The following ADAMTS6 variants were observed in gnomAD, a reference collection of about 807,000 sequenced individuals.
ADAMTS6 encodes A disintegrin and metalloproteinase with thrombospondin motifs 6.
Under a neutral mutation model 144.3 loss-of-function variants are expected in ADAMTS6, and 23 were observed. The ratio of observed to expected loss-of-function variants is 0.16; its 90% CI spans 0.11 to 0.23. The LOEUF (loss-of-function observed/expected upper bound fraction) is 0.23, where lower values mean the gene tolerates loss of function less well. Ranked by LOEUF, ADAMTS6 falls within the 10% of genes least tolerant of loss-of-function variation. The pLI, the probability that ADAMTS6 is intolerant of heterozygous loss-of-function variation, is 1.00. For synonymous variants in ADAMTS6, 444 were observed against 457.5 expected, an observed-to-expected ratio of 0.97 and a Z score of 0.38; for missense variants, 999 against 1,379.6, an observed-to-expected ratio of 0.72 and a Z score of 4.37.
intron 11 of ADAMTS6, among the ~76,000 whole-genome samples, chr5:65,288,151 C>T (rs980630322): frequency 2.0e-5 from 3 of 152,024 alleles, no homozygotes; most frequent in Admixed American, 6.6e-5. Flanking sequence ...AATGAACCTA[C>T]TCACTAAGAA....
chr5:65,398,502 A>T (rs1173322829), intron 7 of ADAMTS6, among the ~76,000 whole-genome samples: 1 of 152,128 alleles, frequency 6.6e-6, no homozygotes, highest in African/African-American at 2.4e-5. Flanking sequence ...AGGCAGGCAG[A>T]TCACTTGAGG....
chr5:65,323,229 T>A (rs1014710493), intron 9 of ADAMTS6, among the ~76,000 whole-genome samples: 53 of 151,260 alleles, frequency 3.5e-4, no homozygotes, highest in Non-Finnish European at 6.8e-4. Context: ...ACTCGTCATT[T>A]AGCATTAGGT....
chr5:65,268,601 C>T (rs1021547563), intron 12 of ADAMTS6, among the ~76,000 whole-genome samples: 1 of 152,174 alleles, frequency 6.6e-6, no homozygotes, highest in Non-Finnish European at 1.5e-5. Flanking sequence ...TGTCCCTGAG[C>T]ACATCCATTC....
chr5:65,175,322 C>G (rs1753903614), intron 22 of ADAMTS6, among the ~76,000 whole-genome samples: 1 of 143,382 alleles, frequency 7.0e-6, no homozygotes, highest in Non-Finnish European at 1.5e-5. Context: ...GAGGCAAAAG[C>G]AAAGTCAAAA....
chr5:65,333,399 C>A (rs542803855), intron 8 of ADAMTS6, among the ~76,000 whole-genome samples: 34 of 150,476 alleles, frequency 2.3e-4, no homozygotes, highest in African/African-American at 8.0e-4. Flanking sequence ...TTTAAAAAGA[C>A]AAATGACCCT....
intron 7 of ADAMTS6, among the ~76,000 whole-genome samples, chr5:65,425,918 C>T (rs550476968): frequency 6.6e-5 from 10 of 152,198 alleles, no homozygotes; most frequent in African/African-American, 1.2e-4. Context: ...CGCCCACCAC[C>T]GCGCCTGGCT....
intron 20 of ADAMTS6, among the ~76,000 whole-genome samples, chr5:65,211,774 T>A (rs914468835): frequency 2.6e-5 from 4 of 152,146 alleles, no homozygotes; most frequent in Admixed American, 6.5e-5. Flanking sequence ...ATCTCCCACA[T>A]TAGAAAGGAC....
Position 65,470,932 on chromosome 5 carries a change from T to C in ADAMTS6, c.308A>G (p.Asn103Ser), listed in dbSNP as rs1760387206. The stretch of plus-strand genomic sequence containing the variant: ...AAAATGTTTGGACACAAAATCTGTG[T>C]TGAGAGTCAAGTTTAGATGAAAGTG... ...GKHFHLNLTL[N>S]TDFVSKHFTV... Residue 103 changes from asparagine (N) to serine (S), a missense_variant, in exon 3 of 25, where the codon AAC becomes AGC. By Grantham distance (46) the Asn-to-Ser change is conservative. Transcript: ENST00000381055. 5.0e-6 allele frequency: 8 copies of C among 1,612,854 alleles called. No individual in the cohort carries two copies. Among genetic ancestry groups the C allele is most frequent in the African/African-American group, 2.7e-5 (2 of 74,842 alleles).
chr5:65,287,033 G>A (rs752285282), intron 11 of ADAMTS6, among the ~76,000 whole-genome samples: 1 of 152,152 alleles, frequency 6.6e-6, no homozygotes, highest in Non-Finnish European at 1.5e-5. Context: ...TGTTTTATTT[G>A]CAATGTATTT....
intron 21 of ADAMTS6, among the ~76,000 whole-genome samples, chr5:65,190,449 A>G (rs548008045): frequency 6.6e-6 from 1 of 152,306 alleles, no homozygotes; most frequent in South Asian, 2.1e-4. Flanking sequence ...ACTTTGCAAC[A>G]GTGATTTCAT....
chr5:65,196,910 T>A, intron 21 of ADAMTS6, 112 bp downstream of exon 21: 3 of 1,318,824 alleles, frequency 2.3e-6, no homozygotes, highest in Non-Finnish European at 2.0e-6. Context: ...GTTTTCTACC[T>A]TTTTTCAGCC....
chr5:65,201,439 G>A (rs1676750358), intron 20 of ADAMTS6, among the ~76,000 whole-genome samples: 1 of 152,174 alleles, frequency 6.6e-6, no homozygotes, highest in South Asian at 2.1e-4. Context: ...AAAGTAGAAA[G>A]AAGGCACTCA....
At chr5:65,169,987 G>T (rs1753508230) in intron 24 of ADAMTS6, among the ~76,000 whole-genome samples, 1 of 151,874 alleles carries the variant, frequency 6.6e-6, no homozygotes, top group Non-Finnish European at 1.5e-5. Context: ...GTATACATAT[G>T]TAACTAACCT....
chr5:65,286,415 A>C (rs1741668926), intron 11 of ADAMTS6, among the ~76,000 whole-genome samples: 1 of 152,178 alleles, frequency 6.6e-6, no homozygotes, highest in South Asian at 2.1e-4. Flanking sequence ...CCTACTGATA[A>C]AACATTCTTC....
intron 23 of ADAMTS6, 91 bp downstream of exon 23, chr5:65,172,741 C>T: frequency 7.0e-7 from 1 of 1,433,760 alleles, no homozygotes; most frequent in Non-Finnish European, 9.4e-7. Flanking sequence ...TCTTACTCAT[C>T]TCTCAAGCCC....
intron 1 of ADAMTS6, among the ~76,000 whole-genome samples, chr5:65,474,410 TA>T (rs924718135): frequency 6.6e-6 from 1 of 152,038 alleles, no homozygotes; most frequent in African/African-American, 2.4e-5. Context: ...TCTGACAAAG[TA>T]GATCTACAAA....
At chr5:65,407,339 C>T (rs1489887453) in intron 7 of ADAMTS6, among the ~76,000 whole-genome samples, 1 of 147,370 alleles carries the variant, frequency 6.8e-6, no homozygotes, top group Non-Finnish European at 1.5e-5. Context: ...ATTCAATGTT[C>T]TTTTTTTTTT....
intron 9 of ADAMTS6, among the ~76,000 whole-genome samples, chr5:65,309,685 T>A (rs903072575): frequency 6.6e-6 from 1 of 152,154 alleles, no homozygotes; most frequent in Non-Finnish European, 1.5e-5. Flanking sequence ...GAATACTTTG[T>A]TCTACAATTT....
intron 7 of ADAMTS6, among the ~76,000 whole-genome samples, chr5:65,358,347 C>G (rs765141882): frequency 7.2e-5 from 11 of 151,854 alleles, no homozygotes; most frequent in Non-Finnish European, 1.2e-4. Flanking sequence ...ATGACAAGCC[C>G]ACAGGTAACA....
Sources: allele counts gnomAD v4.1 joint callset (sites outside exome capture counted in the v4.1 genomes callset), GRCh38; gene constraint gnomAD v4.1.1; transcripts MANE v1.5; gene names NCBI Gene and HGNC (gene_info 2026-07-23, HGNC 2026-07-21).